The following LRRTM4 variants were observed in gnomAD, a reference collection of about 807,000 sequenced individuals.
LRRTM4 encodes leucine-rich repeat transmembrane neuronal protein 4.
A neutral mutation model predicts 47.6 loss-of-function variants in LRRTM4; 25 were observed. The observed-to-expected ratio is 0.53, with a 90% CI of 0.38 to 0.73. The LOEUF (loss-of-function observed/expected upper bound fraction) is 0.73. Among genes scored for constraint, LRRTM4 ranks in the 30% least tolerant of loss-of-function variants. The pLI is 0.00. For synonymous variants in LRRTM4, 311 were observed against 269.5 expected (o/e 1.15, Z -1.51); for missense variants, 638 against 713.4 (o/e 0.89, Z 1.20).
At chr2:77,373,474 T>C (rs1444171380) in intron 3 of LRRTM4, among the ~76,000 whole-genome samples, 1 of 151,750 alleles carries the variant, frequency 6.6e-6, no homozygotes, top group African/African-American at 2.4e-5. Context: ...TGGTGCTACA[T>C]TTTAAGGTCT....
At chr2:77,319,110 C>T (rs968015656) in intron 3 of LRRTM4, among the ~76,000 whole-genome samples, 6 of 152,036 alleles carry the variant, frequency 3.9e-5, no homozygotes, top group African/African-American at 9.7e-5. Flanking sequence ...CTGGGATGGG[C>T]GTGGTGGCTC....
chr2:77,055,768 T>C (rs1679582891), intron 3 of LRRTM4, among the ~76,000 whole-genome samples: 1 of 151,700 alleles, frequency 6.6e-6, no homozygotes, highest in Non-Finnish European at 1.5e-5. Flanking sequence ...CTATTCACAA[T>C]AGCAAAGACT....
chr2:77,195,346 T>C (rs1673790565), intron 3 of LRRTM4, among the ~76,000 whole-genome samples: 1 of 152,002 alleles, frequency 6.6e-6, no homozygotes, highest in Non-Finnish European at 1.5e-5. Context: ...TTCATAGAAA[T>C]ATGCAACAAG....
At chr2:76,774,253 T>G (rs761916565) in intron 3 of LRRTM4, among the ~76,000 whole-genome samples, 1 of 152,002 alleles carries the variant, frequency 6.6e-6, no homozygotes, top group Non-Finnish European at 1.5e-5. Context: ...GGTGCAATCT[T>G]GGCTCACTGC....
At chr2:77,237,940 A>G (rs577651822) in intron 3 of LRRTM4, among the ~76,000 whole-genome samples, 1 of 152,224 alleles carries the variant, frequency 6.6e-6, no homozygotes, top group Non-Finnish European at 1.5e-5. Flanking sequence ...CTTTATATAT[A>G]TACTCAAACA....
intron 3 of LRRTM4, among the ~76,000 whole-genome samples, chr2:76,982,544 G>A (rs769182142): frequency 3.9e-5 from 6 of 152,016 alleles, no homozygotes; most frequent in Admixed American, 1.3e-4. Context: ...GAGACAGGGC[G>A]GACACTGGGT....
At chr2:76,888,318 G>T (rs1044154883) in intron 3 of LRRTM4, among the ~76,000 whole-genome samples, 5 of 151,172 alleles carry the variant, frequency 3.3e-5, no homozygotes, top group Admixed American at 2.0e-4. Flanking sequence ...AGTTGTAGAA[G>T]TATATTTATA....
At chr2:76,796,842 G>C (rs964221856) in intron 3 of LRRTM4, among the ~76,000 whole-genome samples, 1 of 152,048 alleles carries the variant, frequency 6.6e-6, no homozygotes, top group African/African-American at 2.4e-5. Flanking sequence ...CGCCTCAGGA[G>C]CTGATTCGAT....
intron 3 of LRRTM4, among the ~76,000 whole-genome samples, chr2:77,334,570 C>T (rs1671091632): frequency 6.6e-6 from 1 of 152,176 alleles, no homozygotes; most frequent in African/African-American, 2.4e-5. Flanking sequence ...CTCCTCCTTG[C>T]CTTTCACCTT....
At chr2:77,102,561 A>G (rs966382114) in intron 3 of LRRTM4, among the ~76,000 whole-genome samples, 1 of 152,214 alleles carries the variant, frequency 6.6e-6, no homozygotes, top group African/African-American at 2.4e-5. Context: ...CTCCTGTTTT[A>G]TAAAACTTTT....
rs186104923 is a variant in LRRTM4, at chr2:77,473,471, C to T, written c.1551+44847G>A. Among the ~76,000 whole-genome samples the T allele has an allele frequency of 2.6e-3, 395 of 152,152 alleles. 6 individuals carry two copies. The highest frequency in any genetic ancestry group is 8.8e-4 in the Non-Finnish European group (60 of 67,982). ...GATTGATTTTATGCACAGTGCTCAC[C>T]TGATAGCTCTATTAGCCTTTTTTTC... On this transcript the variant is annotated intron_variant, in intron 3 of 3. Transcript: ENST00000409884.
intron 3 of LRRTM4, among the ~76,000 whole-genome samples, chr2:77,452,775 G>A (rs554164868): frequency 8.6e-5 from 13 of 152,022 alleles, no homozygotes; most frequent in Non-Finnish European, 1.6e-4. Flanking sequence ...GAATTTTGAC[G>A]ATGGGTCAAC....
At chr2:77,350,331 T>TA (rs1406460022) in intron 3 of LRRTM4, among the ~76,000 whole-genome samples, 1 of 12,464 alleles carries the variant, frequency 8.0e-5, no homozygotes, top group Non-Finnish European at 1.4e-4. Context: ...AGACTCCGTC[T>TA]CAAAAAAAAA....
intron 3 of LRRTM4, among the ~76,000 whole-genome samples, chr2:77,220,453 G>T (rs577950016): frequency 6.6e-6 from 1 of 152,036 alleles, no homozygotes; most frequent in South Asian, 2.1e-4. Context: ...AGTTAAAAAC[G>T]TTGAAAAAAA....
intron 3 of LRRTM4, among the ~76,000 whole-genome samples, chr2:76,991,224 C>G (rs1676996577): frequency 6.6e-6 from 1 of 151,410 alleles, no homozygotes; most frequent in South Asian, 2.1e-4. Flanking sequence ...TCTAACATTA[C>G]ACCTAGAGGA....
rs1276177757 is a variant in LRRTM4 at position 76,968,346 on chromosome 2, A to ATATATGTGTG, written c.1552-219431_1552-219430insCACACATATA. ...TACAAAAGTGTGTATGTGTGTATAT[A>ATATATGTGTG]TATATATATATATATATATATATAT... On this transcript the variant is annotated intron_variant, in intron 3 of 3. Coordinates refer to ENST00000409884, the MANE Select transcript of LRRTM4 (RefSeq NM_001134745.3). Among the ~76,000 whole-genome samples, 15 of 80,040 alleles carry ATATATGTGTG rather than the reference A, an allele frequency of 1.9e-4. No individual in the cohort carries two copies. The East Asian group carries it at 3.9e-3, about 21-fold the overall frequency. 52.5% of individuals were successfully genotyped at this position (80,040 alleles called of 152,430 possible). A position where few individuals can be genotyped will look rare whatever the true frequency, so the allele number is the denominator to read the frequency against.
intron 3 of LRRTM4, among the ~76,000 whole-genome samples, chr2:77,191,880 A>C (rs1009916334): frequency 6.6e-6 from 1 of 151,994 alleles, no homozygotes; most frequent in African/African-American, 2.4e-5. Flanking sequence ...CTGGAACTAT[A>C]ATCACAATAT....
intron 3 of LRRTM4, among the ~76,000 whole-genome samples, chr2:77,261,319 A>G (rs75314840): frequency 1.8e-4 from 28 of 152,144 alleles, no homozygotes; most frequent in South Asian, 2.1e-4. Flanking sequence ...AGACACGGTC[A>G]TATATGCTCT....
At chr2:77,203,183 T>A (rs191003440) in intron 3 of LRRTM4, among the ~76,000 whole-genome samples, 1 of 152,004 alleles carries the variant, frequency 6.6e-6, no homozygotes, top group Non-Finnish European at 1.5e-5. Flanking sequence ...ACTTTGAACA[T>A]TTACTTTTTT....
Sources: gnomAD v4.1 joint callset for allele counts (sites outside exome capture counted in the v4.1 genomes callset) on GRCh38, gnomAD v4.1.1 for gene constraint, MANE v1.5 for transcripts, NCBI Gene and HGNC (gene_info 2026-07-23, HGNC 2026-07-21) for gene names.